The following STAC variants were observed in gnomAD, a reference collection of about 807,000 sequenced individuals.
STAC encodes SH3 and cysteine-rich domain-containing protein.
Under a neutral mutation model 48.8 loss-of-function variants are expected in STAC, and 43 were observed. The ratio of observed to expected loss-of-function variants is 0.88; its 90% CI spans 0.69 to 1.14. The LOEUF (loss-of-function observed/expected upper bound fraction) is 1.14, where lower values mean the gene tolerates loss of function less well. Among genes scored for constraint, STAC ranks in the 50% most tolerant of loss-of-function variants. The pLI is 0.00. For missense variants in STAC, 497 were observed against 504.0 expected, an observed-to-expected ratio of 0.99 and a Z score of 0.13; for synonymous variants, 193 against 179.5, an observed-to-expected ratio of 1.07 and a Z score of -0.60.
chr3:36,427,292 A>G (rs764379340), intron 1 of STAC, among the ~76,000 whole-genome samples: 11 of 152,156 alleles, frequency 7.2e-5, no homozygotes, highest in Non-Finnish European at 1.6e-4. Context: ...TCACATCCCA[A>G]TATGCATCAT....
chr3:36,539,685 T>C (rs6777327), intron 10 of STAC, among the ~76,000 whole-genome samples: 17,061 of 152,150 alleles, frequency 0.11, 1,153 homozygotes, highest in Non-Finnish European at 0.15. Context: ...TTGTGTCTCA[T>C]TGCATCATCT....
chr3:36,516,754 T>C (rs564566802), intron 8 of STAC, among the ~76,000 whole-genome samples: 1 of 152,314 alleles, frequency 6.6e-6, no homozygotes, highest in African/African-American at 2.4e-5. Flanking sequence ...TTTTAGAGCC[T>C]CAGTTTTCTC....
intron 1 of STAC, among the ~76,000 whole-genome samples, chr3:36,390,664 T>C (rs1431180805): frequency 1.3e-5 from 2 of 152,112 alleles, no homozygotes; most frequent in Non-Finnish European, 2.9e-5. Flanking sequence ...CTGTCACTTT[T>C]GTGTTCTTGG....
At chr3:36,468,345 GT>G in intron 2 of STAC, among the ~76,000 whole-genome samples, 1 of 152,144 alleles carries the variant, frequency 6.6e-6, no homozygotes, top group Non-Finnish European at 1.5e-5. Flanking sequence ...AATGTTCCAT[GT>G]GCTGATGAAC....
chr3:36,403,128 C>A (rs1344899068), intron 1 of STAC, among the ~76,000 whole-genome samples: 1 of 152,106 alleles, frequency 6.6e-6, no homozygotes, highest in African/African-American at 2.4e-5. Flanking sequence ...TAAAAAGGTA[C>A]AATCAATGCC....
rs1281674265 is a variant in STAC, at chr3:36,453,749, G to A, written c.388+10109G>A. 8.0e-4 allele frequency among the ~76,000 whole-genome samples: 115 copies of A among 144,048 alleles called. 51 individuals are homozygous for A. Among genetic ancestry groups the A allele is most frequent in the Middle Eastern group, 7.1e-3 (2 of 280 alleles). 94.5% of individuals were successfully genotyped at this position (144,048 alleles called of 152,430 possible). On this transcript the variant is annotated intron_variant, in intron 2 of 10. Transcript: ENST00000273183. ...AGCCCCGGTGCGGGATCCACTGGGT[G>A]AAGCCAGCTGGGCTCCTGAGTCTGG...
Position 36,505,824 on chromosome 3 carries a change from T to C in STAC, c.910T>C (p.Leu304=). 1 of 1,603,496 alleles carries C rather than the reference T, an allele frequency of 6.2e-7. No individual in the cohort carries two copies. Among genetic ancestry groups the C allele is most frequent in the Non-Finnish European group, 8.5e-7 (1 of 1,175,168 alleles). ...YKFVPQENED[L]EMRPGDIITL... ...ATTTGTACCACAGGAGAATGAAGAT[T>C]TGGAAATGAGGTAAAAACCTTCTGT... The change falls in exon 8 of 11, where the codon TTG becomes CTG. Residue 304 remains leucine, a synonymous_variant. Coordinates refer to ENST00000273183, the MANE Select transcript of STAC (RefSeq NM_003149.3).
chr3:36,450,566 C>T (rs28436583), intron 2 of STAC, among the ~76,000 whole-genome samples: 17,584 of 152,234 alleles, frequency 0.12, 1,269 homozygotes, highest in East Asian at 0.33. Flanking sequence ...CGCTCTGTCA[C>T]CCAGGCTGGA....
At chr3:36,414,131 G>T (rs1233209791) in intron 1 of STAC, among the ~76,000 whole-genome samples, 1 of 152,074 alleles carries the variant, frequency 6.6e-6, no homozygotes, top group Non-Finnish European at 1.5e-5. Context: ...TTCAACTTTG[G>T]TAAATCTGAC....
chr3:36,547,444 T>C lies in STAC; in HGVS notation c.*1155T>C, dbSNP rs1051545886. 6 of 152,640 alleles carry C rather than the reference T, an allele frequency of 3.9e-5. No homozygotes were observed. The highest frequency in any genetic ancestry group is 1.4e-4 in the African/African-American group (6 of 41,448). The allele number at this position is 152,640 out of a possible 1,614,324, so 9.5% of individuals were successfully genotyped here. Reference sequence around the variant, plus strand: ...AATTAGCATCATCTAGGGGAATCTCTATTACTCTGTACTTATACTAATGTT... The same window carrying C: ...AATTAGCATCATCTAGGGGAATCTCCATTACTCTGTACTTATACTAATGTT... On this transcript the variant is annotated 3_prime_UTR_variant, in exon 11 of 11. Transcript: ENST00000273183.
intron 1 of STAC, among the ~76,000 whole-genome samples, chr3:36,419,547 A>G (rs1700399214): frequency 3.9e-5 from 6 of 152,130 alleles, no homozygotes; most frequent in Admixed American, 3.3e-4. Flanking sequence ...TCTTCTTAGG[A>G]GAAAGGGAGA....
chr3:36,469,338 TTATGAAGCTTAGTTTTGCTGGATAAA>T (rs1697262185), intron 2 of STAC, among the ~76,000 whole-genome samples: 1 of 152,168 alleles, frequency 6.6e-6, no homozygotes, highest in Admixed American at 6.5e-5. Flanking sequence ...TTTCCTTCAT[TTATGAAGCTTAGTTTTGCTGGATAAA>T]AAATTACTGG....
At chr3:36,537,962 GA>G (rs1321375881) in intron 10 of STAC, among the ~76,000 whole-genome samples, 2 of 150,994 alleles carry the variant, frequency 1.3e-5, no homozygotes, top group African/African-American at 2.4e-5. Flanking sequence ...AAAAAAAACA[GA>G]AAAAAATATT....
chr3:36,434,183 A>G (rs73830369), intron 1 of STAC, among the ~76,000 whole-genome samples: 3,551 of 152,300 alleles, frequency 0.023, 59 homozygotes, highest in East Asian at 0.026. Flanking sequence ...GTGAATCTGC[A>G]TGGCGGCTGG....
chr3:36,466,141 T>C (rs1188070708), intron 2 of STAC, among the ~76,000 whole-genome samples: 1 of 152,242 alleles, frequency 6.6e-6, no homozygotes. Flanking sequence ...CCAGCACCAT[T>C]TGTTGAATAG....
intron 10 of STAC, among the ~76,000 whole-genome samples, chr3:36,539,017 A>G (rs1699261665): frequency 6.6e-6 from 1 of 151,896 alleles, no homozygotes. Context: ...ATTATTTTAC[A>G]CTTCTCTATC....
At position 36,504,397 on chromosome 3, in the gene STAC, T is replaced by C. The variant is rs1698348552; in HGVS notation, c.771T>C (p.Phe257=). 2 of 1,613,088 alleles carry C rather than the reference T, an allele frequency of 1.2e-6. No homozygotes were observed. Among genetic ancestry groups the C allele is most frequent in the Non-Finnish European group, 1.7e-6 (2 of 1,179,318 alleles). The change falls in exon 7 of 11, where the codon TTT becomes TTC. Residue 257 remains phenylalanine (F), a synonymous_variant. Transcript: ENST00000273183. ...GCTTTCTCTTGTCTCCTTCAGTGTT[T>C]ACATATCCAGAAAATGGCACTGATG... ...YDLRKRSNSV[F]TYPENGTDDF...
chr3:36,414,198 T>C (rs554104047), intron 1 of STAC, among the ~76,000 whole-genome samples: 7 of 152,314 alleles, frequency 4.6e-5, no homozygotes, highest in African/African-American at 1.7e-4. Context: ...ATTCTCTGTA[T>C]TTCCTGAATT....
intron 10 of STAC, among the ~76,000 whole-genome samples, chr3:36,542,694 A>G (rs1401139176): frequency 6.6e-6 from 1 of 152,194 alleles, no homozygotes; most frequent in Admixed American, 6.5e-5. Flanking sequence ...GCAAAAAAAT[A>G]TTATGTTTTA....
Sources: gnomAD v4.1 joint callset for allele counts (sites outside exome capture counted in the v4.1 genomes callset) on GRCh38, gnomAD v4.1.1 for gene constraint, MANE v1.5 for transcripts, NCBI Gene and HGNC (gene_info 2026-07-23, HGNC 2026-07-21) for gene names.